HOOK3: variants seen among roughly 807,000 people sequenced by gnomAD.
HOOK3 encodes protein Hook homolog 3.
In HOOK3, 24 loss-of-function variants were observed where a neutral mutation model predicts 116.3. The observed-to-expected ratio is 0.21, with a 90% CI of 0.15 to 0.29. HOOK3 has a LOEUF of 0.29. HOOK3 is among the 10% of genes least tolerant of loss of function. HOOK3 has a pLI of 1.00. For missense variants in HOOK3, 632 were observed against 830.2 expected (o/e 0.76, Z 2.93); for synonymous variants, 275 against 283.0 (o/e 0.97, Z 0.28).
intron 2 of HOOK3, 56 bp downstream of exon 2, chr8:42,906,314 T>C: frequency 1.6e-6 from 2 of 1,242,650 alleles, no homozygotes; most frequent in Non-Finnish European, 2.4e-6. Context: ...ATTTGTTAGG[T>C]TGAAAACATG....
chr8:42,942,462 A>G (rs1215767177), intron 4 of HOOK3, among the ~76,000 whole-genome samples: 1 of 152,226 alleles, frequency 6.6e-6, no homozygotes, highest in Non-Finnish European at 1.5e-5. Context: ...TCTTGATCAC[A>G]ACCTCTTTCC....
At chr8:42,932,582 G>GC (rs1214595651) in intron 4 of HOOK3, among the ~76,000 whole-genome samples, 1 of 151,116 alleles carries the variant, frequency 6.6e-6, no homozygotes, top group Non-Finnish European at 1.5e-5. Context: ...CCCTCACCCA[G>GC]CCCCCTGACA....
intron 19 of HOOK3, among the ~76,000 whole-genome samples, chr8:43,011,684 G>T (rs1809615260): frequency 6.6e-6 from 1 of 151,998 alleles, no homozygotes; most frequent in Non-Finnish European, 1.5e-5. Flanking sequence ...GGTCAGTCTG[G>T]GCAACATATC....
intron 13 of HOOK3, among the ~76,000 whole-genome samples, chr8:42,981,274 A>T (rs1458289969): frequency 6.6e-6 from 1 of 151,522 alleles, no homozygotes; most frequent in Non-Finnish European, 1.5e-5. Context: ...GCTGGTCTCG[A>T]GCTCCTGAGC....
At chr8:42,988,990 G>C (rs924106492) in intron 15 of HOOK3, among the ~76,000 whole-genome samples, 7 of 151,736 alleles carry the variant, frequency 4.6e-5, no homozygotes, top group Admixed American at 3.9e-4. Context: ...GTCTGTTACA[G>C]TTTGCTCACT....
chr8:42,944,517 A>G (rs972453273), intron 5 of HOOK3, among the ~76,000 whole-genome samples: 1 of 151,974 alleles, frequency 6.6e-6, no homozygotes, highest in African/African-American at 2.4e-5. Flanking sequence ...CACATCGATA[A>G]ACAGGCTTGT....
intron 6 of HOOK3, among the ~76,000 whole-genome samples, chr8:42,955,627 C>T (rs959222353): frequency 6.6e-6 from 1 of 152,066 alleles, no homozygotes; most frequent in Non-Finnish European, 1.5e-5. Context: ...CAGGCAAAAT[C>T]AACTGCGTTC....
intron 5 of HOOK3, 98 bp downstream of exon 5, chr8:42,943,543 T>C (rs1237937881): frequency 1.3e-6 from 1 of 782,110 alleles, no homozygotes; most frequent in African/African-American, 1.8e-5. Context: ...AACAGTAACA[T>C]CTGTTTAAGG....
rs1648117 is a variant in HOOK3, at chr8:42,956,734, G to A, written c.469-360G>A. Among the ~76,000 whole-genome samples, 1,115 of 152,142 alleles carry A rather than the reference G, an allele frequency of 7.3e-3. 14 individuals carry two copies. Among genetic ancestry groups the A allele is most frequent in the African/African-American group, 0.025 (1,050 of 41,492 alleles). On this transcript the variant is annotated intron_variant, in intron 6 of 21. Coordinates refer to ENST00000307602, the MANE Select transcript of HOOK3 (RefSeq NM_032410.4). ...TGAGTAGCTACGATTACAGGCAGGC[G>A]CCACCATGCCCAGCTAATTTTTGTA... is the stretch of plus-strand genomic sequence containing the variant.
intron 6 of HOOK3, among the ~76,000 whole-genome samples, chr8:42,952,199 A>G (rs1250499640): frequency 6.6e-6 from 1 of 152,152 alleles, no homozygotes; most frequent in South Asian, 2.1e-4. Context: ...ATCCTTGTAC[A>G]TTGTGTAATT....
intron 2 of HOOK3, among the ~76,000 whole-genome samples, chr8:42,923,707 G>A (rs1342986228): frequency 6.6e-6 from 1 of 152,126 alleles, no homozygotes; most frequent in African/African-American, 2.4e-5. Flanking sequence ...GTTTCTTTTT[G>A]GAAAGATGGA....
intron 14 of HOOK3, among the ~76,000 whole-genome samples, chr8:42,983,290 C>T (rs970374212): frequency 8.1e-5 from 12 of 148,794 alleles, no homozygotes; most frequent in South Asian, 2.1e-4. Flanking sequence ...GCTGAAGTTG[C>T]GCCACTGCAC....
In HOOK3 at chr8:43,027,514, C is replaced by G; in HGVS notation, c.*9016C>G. 2.5e-6 allele frequency: 1 copy of G among 395,694 alleles called. No individual in the cohort carries two copies. The highest frequency in any genetic ancestry group is 2.2e-5 in the South Asian group (1 of 45,544). 24.5% of individuals were successfully genotyped at this position (395,694 alleles called of 1,614,324 possible). A position where few individuals can be genotyped will look rare whatever the true frequency, so the allele number is the denominator to read the frequency against. On this transcript the variant is annotated 3_prime_UTR_variant, in exon 22 of 22. Transcript: ENST00000307602. ...GACGTGCTTTGCATGAGAAGCTCATCTAGAAGAGAGCAACGCTGGAATAGA... is the reference window on the plus strand; with the variant it reads ...GACGTGCTTTGCATGAGAAGCTCATGTAGAAGAGAGCAACGCTGGAATAGA...
Position 43,013,076 on chromosome 8 carries a change from A to G in HOOK3, c.1865A>G (p.Gln622Arg), listed in dbSNP as rs1809643491. 6.2e-7 allele frequency: 1 copy of G among 1,612,100 alleles called. No individual in the cohort carries two copies. Among genetic ancestry groups the G allele is most frequent in the Non-Finnish European group, 8.5e-7 (1 of 1,179,092 alleles). Residue 622 changes from glutamine (Q) to arginine (R), a missense_variant, in exon 20 of 22, where the codon CAG (glutamine) becomes CGG (arginine). Gln to Arg is a conservative substitution (Grantham distance 43, BLOSUM62 1). Around this residue, in one of 3 missense-constraint regions of HOOK3, gnomAD observed 483 missense variants for 648.1 expected, o/e 0.75. Transcript: ENST00000307602. ...KSVIRTLDPKQNQGAAPEIQA... is the reference protein window; with the variant it reads ...KSVIRTLDPKRNQGAAPEIQA... ...GTCATCCGTACTTTAGATCCTAAAC[A>G]GAATCAAGGAGCAGCACCAGAAATA...
intron 15 of HOOK3, among the ~76,000 whole-genome samples, chr8:42,996,865 C>G (rs1809278785): frequency 1.4e-5 from 2 of 146,088 alleles, no homozygotes; most frequent in South Asian, 4.4e-4. Context: ...TTCCTCCCCA[C>G]TAGACTTTAA....
At chr8:42,939,124 A>C (rs918135753) in intron 4 of HOOK3, among the ~76,000 whole-genome samples, 1 of 152,222 alleles carries the variant, frequency 6.6e-6, no homozygotes, top group Non-Finnish European at 1.5e-5. Flanking sequence ...CTCTTTCTAC[A>C]CAGACAACGG....
intron 14 of HOOK3, among the ~76,000 whole-genome samples, chr8:42,985,791 A>C (rs1456071429): frequency 6.6e-6 from 1 of 152,178 alleles, no homozygotes; most frequent in African/African-American, 2.4e-5. Context: ...TCAAATTCTA[A>C]ATAGTTGCTT....
At chr8:42,961,256 A>G (rs1350964401) in intron 8 of HOOK3, among the ~76,000 whole-genome samples, 1 of 152,254 alleles carries the variant, frequency 6.6e-6, no homozygotes, top group Non-Finnish European at 1.5e-5. Context: ...ATCACTCTGC[A>G]TAGCACTTTA....
rs6980873 is a variant in HOOK3, at chr8:42,906,458, C to T, written c.143+200C>T. ...AATAAGGGCTGTGATTGTGTTAGTA[C>T]TCTAATGGTTTTAGCAGAATTATTC... is the stretch of plus-strand genomic sequence containing the variant. On this transcript the variant is annotated intron_variant, in intron 2 of 21. Transcript: ENST00000307602. 6.2e-3 allele frequency among the ~76,000 whole-genome samples: 949 copies of T among 152,194 alleles called. 9 individuals carry two copies. Among genetic ancestry groups the T allele is most frequent in the African/African-American group, 0.021 (882 of 41,516 alleles).
Sources: allele counts gnomAD v4.1 joint callset (sites outside exome capture counted in the v4.1 genomes callset), GRCh38; gene constraint gnomAD v4.1.1; regional missense constraint gnomAD v4.1.1; transcripts MANE v1.5; gene names NCBI Gene and HGNC (gene_info 2026-07-23, HGNC 2026-07-21).